PCNP: variants seen among roughly 807,000 people sequenced by gnomAD.
PCNP encodes the protein PEST proteolytic signal containing nuclear protein.
In PCNP, 6 loss-of-function variants were observed where a neutral mutation model predicts 21.8. The observed-to-expected ratio is 0.28, with a 90% CI of 0.15 to 0.54. PCNP has a LOEUF of 0.54. Ranked by LOEUF, PCNP falls within the 20% of genes least tolerant of loss-of-function variation. The probability of loss-of-function intolerance (pLI) is 0.95; values close to 1 mark genes in which losing one functional copy is unlikely to be tolerated. For synonymous variants in PCNP, 67 were observed against 73.2 expected, an observed-to-expected ratio of 0.92 and a Z score of 0.43; for missense variants, 161 against 215.5, an observed-to-expected ratio of 0.75 and a Z score of 1.58.
At chr3:101,585,023 CAT>C (rs543812898) in intron 2 of PCNP, among the ~76,000 whole-genome samples, 6 of 152,122 alleles carry the variant, frequency 3.9e-5, no homozygotes, top group Non-Finnish European at 8.8e-5. Context: ...AAACAAAAAA[CAT>C]AGTGAGAAGA....
chr3:101,587,321 G>A (rs889787386), intron 3 of PCNP, among the ~76,000 whole-genome samples: 5 of 151,420 alleles, frequency 3.3e-5, no homozygotes, highest in Non-Finnish European at 5.9e-5. Flanking sequence ...ATACTGAGTA[G>A]CTGCATTTGA....
chr3:101,575,488 T>C (rs1055679981), intron 1 of PCNP, among the ~76,000 whole-genome samples: 2 of 151,824 alleles, frequency 1.3e-5, no homozygotes, highest in Non-Finnish European at 1.5e-5. Flanking sequence ...CTTTTTTTTT[T>C]TTTATAACTA....
At chr3:101,580,063 CG>C in intron 2 of PCNP, 59 bp downstream of exon 2, 2 of 1,262,480 alleles carry the variant, frequency 1.6e-6, no homozygotes, top group Non-Finnish European at 2.3e-6. Context: ...GCTTTGGAAA[CG>C]TGGCGTTTAC....
At chr3:101,592,577 T>G (rs1473748681) in intron 4 of PCNP, 50 bp from the exon 5 acceptor site, 1 of 1,468,660 alleles carries the variant, frequency 6.8e-7, no homozygotes, top group Non-Finnish European at 9.3e-7. Context: ...AATCATAACC[T>G]GAAAGGCTTT....
chr3:101,577,713 G>A (rs923773702), intron 1 of PCNP, among the ~76,000 whole-genome samples: 1 of 152,066 alleles, frequency 6.6e-6, no homozygotes, highest in Non-Finnish European at 1.5e-5. Flanking sequence ...TAGTAGAGAC[G>A]GGGTTTTGCC....
chr3:101,591,459 T>G (rs1388637557), intron 4 of PCNP, among the ~76,000 whole-genome samples: 1 of 152,232 alleles, frequency 6.6e-6, no homozygotes, highest in Non-Finnish European at 1.5e-5. Flanking sequence ...CATTATGTGA[T>G]TCAAGTAGAG....
intron 3 of PCNP, among the ~76,000 whole-genome samples, chr3:101,585,899 G>A (rs1031845647): frequency 5.9e-5 from 9 of 152,042 alleles, no homozygotes; most frequent in South Asian, 2.1e-4. Context: ...GGCTAGGCGC[G>A]GTGTCTCATG....
intron 1 of PCNP, 85 bp from the exon 2 acceptor site, chr3:101,579,705 A>G (rs2108276028): frequency 4.4e-6 from 4 of 911,210 alleles, no homozygotes; most frequent in South Asian, 1.3e-5. Flanking sequence ...TATCTTCCTT[A>G]TAACGATGCT....
intron 2 of PCNP, among the ~76,000 whole-genome samples, chr3:101,580,647 T>C (rs1935175652): frequency 6.6e-6 from 1 of 152,198 alleles, no homozygotes; most frequent in South Asian, 2.1e-4. Context: ...CTGTATATCT[T>C]ATGTTGGTAG....
chr3:101,591,535 CGTT>C (rs1338128443), intron 4 of PCNP, among the ~76,000 whole-genome samples: 2 of 152,168 alleles, frequency 1.3e-5, no homozygotes, highest in Non-Finnish European at 2.9e-5. Context: ...GTACATATGA[CGTT>C]GTTGTCCCGC....
At chr3:101,582,692 A>G (rs932564274) in intron 2 of PCNP, among the ~76,000 whole-genome samples, 2 of 152,216 alleles carry the variant, frequency 1.3e-5, no homozygotes, top group African/African-American at 4.8e-5. Flanking sequence ...ACTGTAAAAA[A>G]TGTGTGTGGT....
intron 1 of PCNP, among the ~76,000 whole-genome samples, chr3:101,575,596 G>C (rs1934836205): frequency 6.6e-6 from 1 of 151,666 alleles, no homozygotes; most frequent in African/African-American, 2.4e-5. Flanking sequence ...GGAAATTGTG[G>C]GATAAAATTA....
At chr3:101,580,296 T>G (rs1935156517) in intron 2 of PCNP, among the ~76,000 whole-genome samples, 1 of 152,168 alleles carries the variant, frequency 6.6e-6, no homozygotes, top group South Asian at 2.1e-4. Context: ...CTGGGCACAG[T>G]GGCTCACACC....
chr3:101,592,660 C>T lies in PCNP; in HGVS notation c.444C>T (p.Phe148=), dbSNP rs943485928. The change falls in exon 5 of 5, where the codon TTC becomes TTT. Residue 148 remains phenylalanine (F), a synonymous_variant. Coordinates refer to ENST00000265260, the MANE Select transcript of PCNP (RefSeq NM_020357.3). ...DTPTSAGPNS[F]NKGKHGFSDN... is the part of the protein sequence containing the mutation. ...CAACATCAGCTGGACCAAACTCCTT[C>T]AATAAAGGAAAGCATGGGTTTTCTG... 2 of 1,611,146 alleles carry T rather than the reference C, an allele frequency of 1.2e-6. No individual in the cohort carries two copies. The highest frequency in any genetic ancestry group is 3.4e-5 in the Admixed American group (2 of 59,678).
rs527858070 is a variant in PCNP at position 101,586,723 on chromosome 3, C to T, written c.354+1212C>T. ...AAGTGATCCTCCCACCTCAGCCCTCCAAGTAGCTGGACCACAGGCATGCCC... is the reference window on the plus strand; with the variant it reads ...AAGTGATCCTCCCACCTCAGCCCTCTAAGTAGCTGGACCACAGGCATGCCC... On this transcript the variant is annotated intron_variant, in intron 3 of 4. Transcript: ENST00000265260. Among the ~76,000 whole-genome samples the T allele has an allele frequency of 4.0e-5, 6 of 151,542 alleles. No individual in the cohort carries two copies. The South Asian group carries it at 1.0e-3, about 26-fold the overall frequency.
chr3:101,575,922 T>C (rs1559955215), intron 1 of PCNP, among the ~76,000 whole-genome samples: 1 of 152,186 alleles, frequency 6.6e-6, no homozygotes, highest in Non-Finnish European at 1.5e-5. Flanking sequence ...TATGGTCTTT[T>C]TCTTGGTAAC....
intron 1 of PCNP, among the ~76,000 whole-genome samples, chr3:101,577,696 G>T (rs1935000136): frequency 6.6e-6 from 1 of 152,078 alleles, no homozygotes; most frequent in Non-Finnish European, 1.5e-5. Flanking sequence ...ATCTTAATTT[G>T]TACTTTTAGT....
intron 4 of PCNP, among the ~76,000 whole-genome samples, chr3:101,591,630 A>G (rs980964738): frequency 2.6e-5 from 4 of 152,188 alleles, no homozygotes; most frequent in African/African-American, 9.7e-5. Context: ...GAACCTTTCT[A>G]TGTGTAATGT....
At chr3:101,586,401 C>G (rs1935508011) in intron 3 of PCNP, among the ~76,000 whole-genome samples, 1 of 152,028 alleles carries the variant, frequency 6.6e-6, no homozygotes, top group Non-Finnish European at 1.5e-5. Context: ...ATGGAAGTTT[C>G]AAGCATGATT....
Sources: allele counts gnomAD v4.1 joint callset (sites outside exome capture counted in the v4.1 genomes callset), GRCh38; gene constraint gnomAD v4.1.1; transcripts MANE v1.5; gene names NCBI Gene and HGNC (gene_info 2026-07-23, HGNC 2026-07-21).